KCTD1: variants seen among roughly 807,000 people sequenced by gnomAD.
KCTD1 encodes potassium channel tetramerization domain containing 1.
A neutral mutation model predicts 66.0 loss-of-function variants in KCTD1; 24 were observed. The observed-to-expected ratio is 0.36, with a 90% confidence interval of 0.26 to 0.51. The LOEUF is 0.51. Ranked by LOEUF, KCTD1 falls within the 20% of genes least tolerant of loss-of-function variation. The pLI is 0.95. For missense variants in KCTD1, 943 were observed against 1,205.2 expected (o/e 0.78, Z 3.22); for synonymous variants, 511 against 517.2 (o/e 0.99, Z 0.16).
chr18:26,483,583 T>G (rs1311971670), intron 2 of KCTD1, among the ~76,000 whole-genome samples: 1 of 152,252 alleles, frequency 6.6e-6, no homozygotes, highest in African/African-American at 2.4e-5. Context: ...TATTTTTCTA[T>G]TGAACCATTT....
chr18:26,539,381 A>G (rs1440805517), intron 1 of KCTD1, among the ~76,000 whole-genome samples: 1 of 152,226 alleles, frequency 6.6e-6, no homozygotes, highest in Non-Finnish European at 1.5e-5. Flanking sequence ...AGTCTTTTCA[A>G]GCACAGGGGC....
At chr18:26,552,007 G>A (rs1055088729), upstream of KCTD1, among the ~76,000 whole-genome samples, 7 of 151,992 alleles carry the variant, frequency 4.6e-5, no homozygotes, top group Non-Finnish European at 1.0e-4. Flanking sequence ...GTACTATAGG[G>A]AACATTTATT....
chr18:26,492,649 A>G (rs1175936222), intron 2 of KCTD1, among the ~76,000 whole-genome samples: 2 of 145,846 alleles, frequency 1.4e-5, no homozygotes, highest in South Asian at 2.1e-4. Flanking sequence ...ATAAATAAAT[A>G]AATAGAACCA....
At chr18:26,513,377 G>T (rs1347337314) in intron 1 of KCTD1, among the ~76,000 whole-genome samples, 1 of 152,116 alleles carries the variant, frequency 6.6e-6, no homozygotes, top group Non-Finnish European at 1.5e-5. Context: ...GTGAGCCACC[G>T]CGCCCGGCCT....
Position 26,547,653 on chromosome 18 carries a change from G to T in KCTD1, c.884C>A (p.Ser295Tyr). 6.4e-7 allele frequency: 1 copy of T among 1,551,642 alleles called. No individual in the cohort carries two copies. The highest frequency in any genetic ancestry group is 8.7e-7 in the Non-Finnish European group (1 of 1,147,000). ...TRADLRKLYT[S>Y]SVFSTNTPFG... is the part of the protein sequence containing the mutation. Reference sequence around the variant, plus strand: ...GGGCGTGTTGGTGCTGAAGACGCTGGAGGTGTACAGCTTGCGCAGGTCGGC... The same window carrying T: ...GGGCGTGTTGGTGCTGAAGACGCTGTAGGTGTACAGCTTGCGCAGGTCGGC... Residue 295 changes from serine (S) to tyrosine (Y), a missense_variant, in exon 1 of 5, where the codon TCC (serine) becomes TAC (tyrosine). Ser to Tyr is a moderately radical substitution (Grantham distance 144). This residue lies in a region of KCTD1 where 61 missense variants were observed against 109.6 expected (regional missense o/e 0.56). Coordinates refer to ENST00000580059, the MANE Select transcript of KCTD1 (RefSeq NM_001142730.3).
chr18:26,644,383 T>A (rs1488535816), upstream of KCTD1, among the ~76,000 whole-genome samples: 2 of 152,084 alleles, frequency 1.3e-5, no homozygotes, highest in Admixed American at 6.6e-5. Flanking sequence ...GCAGTGAGAA[T>A]GCTGTGGAAA....
At chr18:26,636,506 G>A (rs1598978515) in intron 1 of KCTD1, among the ~76,000 whole-genome samples, 1 of 152,192 alleles carries the variant, frequency 6.6e-6, no homozygotes, top group Non-Finnish European at 1.5e-5. Context: ...AGGGTGCCCT[G>A]AGTCCCGACC....
chr18:26,480,431 A>C (rs918579428), intron 2 of KCTD1, among the ~76,000 whole-genome samples: 1 of 152,238 alleles, frequency 6.6e-6, no homozygotes, highest in Admixed American at 6.5e-5. Flanking sequence ...AAGTTCATTA[A>C]AAATGACAGA....
upstream of KCTD1, chr18:26,548,848 G>C (rs1484813164): frequency 2.0e-6 from 2 of 1,023,370 alleles, no homozygotes; most frequent in African/African-American, 3.4e-5. Flanking sequence ...AAAAAGGAAA[G>C]GGAGGGAGAG....
chr18:26,546,609 G>T, intron 1 of KCTD1, 119 bp downstream of exon 1: 2 of 1,184,462 alleles, frequency 1.7e-6, no homozygotes, highest in Non-Finnish European at 2.3e-6. Flanking sequence ...AACGAAATCC[G>T]ATTCAGTACA....
chr18:26,573,714 C>T (rs748286917), intron 1 of KCTD1, among the ~76,000 whole-genome samples: 4 of 152,190 alleles, frequency 2.6e-5, no homozygotes, highest in African/African-American at 4.8e-5. Flanking sequence ...ACAATTTTGT[C>T]TACATGTGTA....
chr18:26,501,265 G>GC lies in KCTD1; in HGVS notation c.1810-16dup. The GC allele has an allele frequency of 6.2e-7, 1 of 1,608,122 alleles. No homozygotes were observed. The highest frequency in any genetic ancestry group is 2.2e-5 in the East Asian group (1 of 44,760). On this transcript the variant is annotated splice_polypyrimidine_tract_variant and intron_variant, in intron 1 of 4. Transcript: ENST00000580059. ...GGCCGACTGTCCTACAGAGAGATAA[G>GC]CAAGTTTAGATACTTTTTCTCTTTA... is the stretch of plus-strand genomic sequence containing the variant.
rs1226392690 is a variant in KCTD1 at position 26,593,345 on chromosome 18, AGAGGAG to A, written c.-16+35796_-16+35801del. ...AGGAAGAGGAGGAGGAAGAGGAGGA[AGAGGAG>A]GAGGAGGAAGAGGAGGAGGAGGAAG... On this transcript the variant is annotated intron_variant, in intron 1 of 4. Transcript: ENST00000317932. Among the ~76,000 whole-genome samples, 13 of 32,188 alleles carry A rather than the reference AGAGGAG, an allele frequency of 4.0e-4. No homozygotes were observed. The South Asian group carries it at 6.1e-3, about 15-fold the overall frequency. The allele number at this position is 32,188 out of a possible 152,430, so 21.1% of individuals were successfully genotyped here.
intron 1 of KCTD1, among the ~76,000 whole-genome samples, chr18:26,616,462 C>CATATATAT (rs10639008): frequency 5.4e-5 from 8 of 147,516 alleles, no homozygotes; most frequent in East Asian, 2.0e-4. Context: ...CCCTTACATA[C>CATATATAT]ATATATATAT....
intron 1 of KCTD1, among the ~76,000 whole-genome samples, chr18:26,600,686 C>CT (rs1324982962): frequency 6.6e-6 from 1 of 151,980 alleles, no homozygotes; most frequent in East Asian, 1.9e-4. Context: ...CATTAACACT[C>CT]TAACAGAGCT....
At chr18:26,629,431 G>C (rs761559991), upstream of KCTD1, among the ~76,000 whole-genome samples, 1 of 152,226 alleles carries the variant, frequency 6.6e-6, no homozygotes, top group African/African-American at 2.4e-5. Flanking sequence ...GAGGTAGGCA[G>C]AGCCAGAAGT....
intron 1 of KCTD1, among the ~76,000 whole-genome samples, chr18:26,600,794 T>A (rs1598961121): frequency 6.6e-6 from 1 of 151,864 alleles, no homozygotes; most frequent in Non-Finnish European, 1.5e-5. Context: ...GAGTCAAGTG[T>A]CTCACAACCT....
At chr18:26,523,717 C>CT (rs1156401371) in intron 1 of KCTD1, among the ~76,000 whole-genome samples, 1 of 152,222 alleles carries the variant, frequency 6.6e-6, no homozygotes, top group Non-Finnish European at 1.5e-5. Flanking sequence ...TTCTGAGAAT[C>CT]TTACTATCTA....
At chr18:26,544,537 T>C (rs923265197) in intron 1 of KCTD1, 9 of 152,226 alleles carry the variant, frequency 5.9e-5, no homozygotes, top group Non-Finnish European at 1.3e-4. Context: ...CTAGAGAGCC[T>C]ATGTTTATGA....
Sources: gnomAD v4.1 joint callset for allele counts (sites outside exome capture counted in the v4.1 genomes callset) on GRCh38, gnomAD v4.1.1 for gene constraint, gnomAD v4.1.1 regional missense constraint, MANE v1.5 for transcripts, NCBI Gene and HGNC (gene_info 2026-07-23, HGNC 2026-07-21) for gene names.